The following C10orf90 variants were observed in gnomAD, a reference collection of about 807,000 sequenced individuals.
The protein encoded by C10orf90 is (E2-independent) E3 ubiquitin-conjugating enzyme FATS.
A neutral mutation model predicts 62.5 loss-of-function variants in C10orf90; 56 were observed. The observed-to-expected ratio is 0.90, with a 90% CI of 0.72 to 1.12. The LOEUF is 1.12. Among genes scored for constraint, C10orf90 ranks in the 50% most tolerant of loss-of-function variants. The pLI is 0.00. For synonymous variants in C10orf90, 386 were observed against 340.4 expected (o/e 1.13, Z -1.47); for missense variants, 970 against 880.4 (o/e 1.10, Z -1.29).
In C10orf90 at chr10:126,471,336, A is replaced by C. The variant is rs545867405; in HGVS notation, c.1535-6350T>G. ...CGCCAGAAAACCAGACTTCCTACAAATGCCTTTCTAGACAGTAAGCAGATT... is the reference window on the plus strand; with the variant it reads ...CGCCAGAAAACCAGACTTCCTACAACTGCCTTTCTAGACAGTAAGCAGATT... On this transcript the variant is annotated intron_variant, in intron 4 of 9. Transcript: ENST00000488181. 7.9e-5 allele frequency among the ~76,000 whole-genome samples: 12 copies of C among 152,326 alleles called. No individual in the cohort carries two copies. In the South Asian group the frequency reaches 1.4e-3, roughly 18 times the overall value.
intron 3 of C10orf90, among the ~76,000 whole-genome samples, chr10:126,507,116 G>A (rs2133895958): frequency 6.6e-6 from 1 of 152,262 alleles, no homozygotes; most frequent in Non-Finnish European, 1.5e-5. Context: ...CCAGCACTTT[G>A]GGAGGCCAAG....
intron 2 of C10orf90, among the ~76,000 whole-genome samples, chr10:126,567,648 G>A (rs540052515): frequency 6.6e-6 from 1 of 152,254 alleles, no homozygotes; most frequent in South Asian, 2.1e-4. Flanking sequence ...AGAAAGGGGT[G>A]TCCTTGAGCC....
At chr10:126,575,756 G>A (rs904229379) in intron 2 of C10orf90, among the ~76,000 whole-genome samples, 2 of 152,002 alleles carry the variant, frequency 1.3e-5, no homozygotes, top group African/African-American at 2.4e-5. Flanking sequence ...AAACAATAGA[G>A]AACCCAGAAA....
chr10:126,658,197 A>G (rs947511121), intron 1 of C10orf90, among the ~76,000 whole-genome samples: 1 of 152,240 alleles, frequency 6.6e-6, no homozygotes, highest in African/African-American at 2.4e-5. Context: ...AAAGGCAGAC[A>G]GAAGGCAGTG....
rs141539398 is a variant in C10orf90 at position 126,466,371 on chromosome 10, A to C, written c.1535-1385T>G. On this transcript the variant is annotated intron_variant, in intron 4 of 9. Transcript: ENST00000488181. ...TACTAAAAACACACACACACACACA[A>C]ACACACACACACACACACACAAAAG... 6.6e-3 allele frequency among the ~76,000 whole-genome samples: 990 copies of C among 150,106 alleles called. 15 individuals are homozygous for C. The highest frequency in any genetic ancestry group is 0.023 in the African/African-American group (932 of 40,920).
At chr10:126,627,000 C>CTTTTTTTTTTTTTTTTTT (rs61226052) in intron 2 of C10orf90, among the ~76,000 whole-genome samples, 1 of 119,496 alleles carries the variant, frequency 8.4e-6, no homozygotes, top group Non-Finnish European at 1.7e-5. Flanking sequence ...TTTTTCTTTT[C>CTTTTTTTTTTTTTTTTTT]TTTTTTTTTT....
At chr10:126,524,627 G>T in intron 2 of C10orf90, 16 of 985,578 alleles carry the variant, frequency 1.6e-5, no homozygotes, top group Non-Finnish European at 1.9e-5. Flanking sequence ...GCTGGGAGGG[G>T]TCCAGACGGC....
Position 126,589,325 on chromosome 10 carries a change from A to C in C10orf90, c.313+57240T>G, listed in dbSNP as rs144826550. The stretch of plus-strand genomic sequence containing the variant: ...GAGAACTTCCCCAAGCCAGCAAGAC[A>C]GGCCAACATTCAAATTCAGGAAATC... On this transcript the variant is annotated intron_variant, in intron 2 of 9. Transcript: ENST00000488181. Among the ~76,000 whole-genome samples the C allele has an allele frequency of 1.7e-3, 253 of 152,302 alleles. 7 individuals are homozygous for C. Among genetic ancestry groups the C allele is most frequent in the Middle Eastern group, 3.4e-3 (1 of 294 alleles).
At chr10:126,464,365 A>G (rs941279566) in intron 5 of C10orf90, among the ~76,000 whole-genome samples, 19 of 152,190 alleles carry the variant, frequency 1.2e-4, no homozygotes, top group African/African-American at 4.6e-4. Flanking sequence ...TGCTGCCTTC[A>G]GAGCAGCCAC....
rs1338205178 is a variant in C10orf90, at chr10:126,456,903, C to A, written c.2188+2137G>T. The stretch of plus-strand genomic sequence containing the variant: ...ACTGAGCCTCTAGAAAGTAACCAAC[C>A]CTGTGGAAACCTCGGTTTTGACTTC... On this transcript the variant is annotated intron_variant, in intron 7 of 9. Transcript: ENST00000488181. The surrounding 1 kb of genome is among the most constrained non-coding windows in gnomAD (Gnocchi z 4.9). Among the ~76,000 whole-genome samples the A allele has an allele frequency of 1.3e-4, 20 of 152,168 alleles. No individual in the cohort carries two copies. The highest frequency in any genetic ancestry group is 1.3e-3 in the Admixed American group (20 of 15,270).
At chr10:126,457,428 C>G (rs1279185401) in intron 7 of C10orf90, among the ~76,000 whole-genome samples, 1 of 152,174 alleles carries the variant, frequency 6.6e-6, no homozygotes, top group African/African-American at 2.4e-5. Context: ...CAGAATGGCA[C>G]AGCCGGGAGG....
intron 1 of C10orf90, among the ~76,000 whole-genome samples, chr10:126,666,200 C>A (rs1846623903): frequency 6.6e-6 from 1 of 152,172 alleles, no homozygotes; most frequent in South Asian, 2.1e-4. Context: ...CTGGCCTCTA[C>A]CCATTAGCCA....
At position 126,576,658 on chromosome 10, in the gene C10orf90, TGTATACATATATATGTATACATATAC is replaced by T. The variant is rs1463085003; in HGVS notation, c.314-62745_314-62720del. Reference sequence around the variant, plus strand: ...AGCACTATTCACCACAGCCAAGATATGTATACATATATATGTATACATATACATATACATGTATATGTATATGTATA... The same window carrying T: ...AGCACTATTCACCACAGCCAAGATATATATACATGTATATGTATATGTATA... On this transcript the variant is annotated intron_variant, in intron 2 of 9. Transcript: ENST00000488181. Among the ~76,000 whole-genome samples, 29 of 77,892 alleles carry T rather than the reference TGTATACATATATATGTATACATATAC, an allele frequency of 3.7e-4. 1 individual carries two copies. Among genetic ancestry groups the T allele is most frequent in the Admixed American group, 3.6e-3 (29 of 8,138 alleles). The allele number at this position is 77,892 out of a possible 152,430, so 51.1% of individuals were successfully genotyped here.
chr10:126,539,425 C>A (rs1301563591), intron 2 of C10orf90, among the ~76,000 whole-genome samples: 1 of 152,084 alleles, frequency 6.6e-6, no homozygotes, highest in Admixed American at 6.6e-5. Flanking sequence ...TCTGCAGTAG[C>A]GTTTTATGGC....
chr10:126,535,160 T>A (rs1260122794), intron 2 of C10orf90, among the ~76,000 whole-genome samples: 2 of 151,998 alleles, frequency 1.3e-5, no homozygotes, highest in African/African-American at 4.8e-5. Context: ...TATATACATA[T>A]ATGTGTGTGT....
chr10:126,554,022 AAG>A (rs1864700592), intron 2 of C10orf90, among the ~76,000 whole-genome samples: 1 of 152,102 alleles, frequency 6.6e-6, no homozygotes, highest in Non-Finnish European at 1.5e-5. Flanking sequence ...ATATATATGC[AAG>A]AGAAATGGAT....
In C10orf90 at chr10:126,504,166, T is replaced by A; in HGVS notation, c.1325A>T (p.Lys442Met). Residue 442 changes from lysine to methionine, a missense_variant, in exon 4 of 10, where the codon AAG (lysine) becomes ATG (methionine). By Grantham distance (95) the Lys-to-Met change is moderately conservative. Transcript: ENST00000488181. This position sits in a 1 kb window ranked among gnomAD's most constrained non-coding sequence, Gnocchi z 4.1. Reference protein sequence around the residue: ...WNPGLQESHLKETPSLRRVHL... With the variant: ...WNPGLQESHLMETPSLRRVHL... Reference sequence around the variant, plus strand: ...CACCCGCCTCAACGATGGGGTTTCCTTCAAGTGACTTTCTTGTAAACCTGG... The same window carrying A: ...CACCCGCCTCAACGATGGGGTTTCCATCAAGTGACTTTCTTGTAAACCTGG... 6.2e-7 allele frequency: 1 copy of A among 1,614,144 alleles called. No homozygotes were observed. The highest frequency in any genetic ancestry group is 8.5e-7 in the Non-Finnish European group (1 of 1,180,030).
chr10:126,531,544 T>G (rs557612460), intron 2 of C10orf90, among the ~76,000 whole-genome samples: 1 of 151,846 alleles, frequency 6.6e-6, no homozygotes, highest in South Asian at 2.1e-4. Context: ...CCAAGTAGAG[T>G]TTATCCCAAG....
chr10:126,504,516 G>T lies in C10orf90; in HGVS notation c.975C>A (p.Asp325Glu), dbSNP rs938927737. 5 of 1,614,082 alleles carry T rather than the reference G, an allele frequency of 3.1e-6. No homozygotes were observed. The highest frequency in any genetic ancestry group is 4.2e-6 in the Non-Finnish European group (5 of 1,180,034). ...CTGGAGAAAAACTGGTCTCTTTGTC[G>T]TCTGCATGGGTGACCCAGTACTTGC... ...ERRKYWVTHA[D>E]DKETSFSPDT... The change falls in exon 4 of 10, where the codon GAC (aspartate) becomes GAA (glutamate). Residue 325 changes from aspartate (D) to glutamate (E), a missense_variant. Asp to Glu is a conservative substitution (Grantham distance 45). Transcript: ENST00000488181. The surrounding 1 kb of genome is among the most constrained non-coding windows in gnomAD (Gnocchi z 4.1).
Sources: allele counts gnomAD v4.1 joint callset (sites outside exome capture counted in the v4.1 genomes callset), GRCh38; gene constraint gnomAD v4.1.1; non-coding constraint Gnocchi (gnomAD v3.1); transcripts MANE v1.5; gene names NCBI Gene and HGNC (gene_info 2026-07-23, HGNC 2026-07-21).